Variants in CDH7 observed in about 807,000 individuals in gnomAD.
CDH7 encodes cadherin 7.
CDH7 carries 25 observed loss-of-function variants against 71.8 expected under a neutral mutation model. That is an observed-to-expected ratio of 0.35 (90% confidence interval 0.25 to 0.49). CDH7 has a LOEUF of 0.49. CDH7 is among the 20% of genes least tolerant of loss of function. CDH7 has a pLI of 0.99. For synonymous variants in CDH7, 381 were observed against 363.8 expected, an observed-to-expected ratio of 1.05 and a Z score of -0.54; for missense variants, 862 against 974.6, an observed-to-expected ratio of 0.88 and a Z score of 1.54.
intron 2 of CDH7, among the ~76,000 whole-genome samples, chr18:65,782,226 G>C (rs1258339848): frequency 1.3e-5 from 2 of 148,546 alleles, no homozygotes; most frequent in Non-Finnish European, 3.0e-5. Context: ...TGTAGCAGTG[G>C]CACCGTCTAG....
intron 2 of CDH7, among the ~76,000 whole-genome samples, chr18:65,796,908 G>A (rs1036448325): frequency 4.6e-5 from 7 of 152,110 alleles, no homozygotes; most frequent in African/African-American, 1.7e-4. Context: ...GTCAAACTGT[G>A]AAATAAATGT....
At chr18:65,865,711 T>A (rs969971520) in intron 11 of CDH7, 4 of 152,162 alleles carry the variant, frequency 2.6e-5, no homozygotes, top group African/African-American at 9.7e-5. Context: ...TTTAGTTTTG[T>A]CGCCACTATT....
intron 2 of CDH7, among the ~76,000 whole-genome samples, chr18:65,790,911 T>G (rs1049403657): frequency 2.0e-5 from 3 of 152,152 alleles, no homozygotes; most frequent in Non-Finnish European, 4.4e-5. Context: ...GGTAATTGAT[T>G]AGTTTAAAAT....
In CDH7 at chr18:65,864,877, C is replaced by T. The variant is rs543914261; in HGVS notation, c.1864+1960C>T. ...CTGCACTCCAGCCTGGATGACAGAG[C>T]GAGACTCCATCTAAAAAAAAAAAAA... On this transcript the variant is annotated intron_variant, in intron 11 of 11. Coordinates refer to ENST00000397968, the MANE Select transcript of CDH7 (RefSeq NM_004361.5). Among the ~76,000 whole-genome samples, 640 of 121,152 alleles carry T rather than the reference C, an allele frequency of 5.3e-3. 2 individuals carry two copies. The highest frequency in any genetic ancestry group is 6.8e-3 in the Non-Finnish European group (428 of 63,142). The allele number at this position is 121,152 out of a possible 152,430, so 79.5% of individuals were successfully genotyped here.
chr18:65,857,776 T>A, intron 7 of CDH7, 40 bp from the exon 8 acceptor site: 2 of 1,595,534 alleles, frequency 1.3e-6, no homozygotes, highest in Non-Finnish European at 1.7e-6. Context: ...TAATCAAACG[T>A]ACATGTTGAA....
intron 2 of CDH7, among the ~76,000 whole-genome samples, chr18:65,774,179 A>G (rs2143813031): frequency 6.6e-6 from 1 of 152,022 alleles, no homozygotes; most frequent in East Asian, 1.9e-4. Context: ...ACAAGCCATG[A>G]TCTTATTATT....
At chr18:65,771,270 TAAC>T (rs1916533922) in intron 2 of CDH7, among the ~76,000 whole-genome samples, 1 of 152,146 alleles carries the variant, frequency 6.6e-6, no homozygotes, top group Non-Finnish European at 1.5e-5. Context: ...AATGAACGAA[TAAC>T]AAGTAATTGT....
intron 2 of CDH7, among the ~76,000 whole-genome samples, chr18:65,776,399 CACAGAG>C (rs993474618): frequency 3.8e-5 from 5 of 132,352 alleles, no homozygotes; most frequent in African/African-American, 1.3e-4. Context: ...CACACACACA[CACAGAG>C]AGAGAGAGAG....
At chr18:65,765,401 A>G (rs1051601727) in intron 2 of CDH7, among the ~76,000 whole-genome samples, 1 of 151,950 alleles carries the variant, frequency 6.6e-6, no homozygotes, top group African/African-American at 2.4e-5. Context: ...ATATAACAAT[A>G]ACTTTGACTT....
chr18:65,837,117 TA>T (rs1912558276), intron 6 of CDH7, among the ~76,000 whole-genome samples: 2 of 152,210 alleles, frequency 1.3e-5, no homozygotes, highest in Non-Finnish European at 2.9e-5. Flanking sequence ...GTAGAAAATA[TA>T]ATTTCTTGCT....
intron 7 of CDH7, among the ~76,000 whole-genome samples, chr18:65,846,160 G>A (rs1912927612): frequency 6.6e-6 from 1 of 151,974 alleles, no homozygotes; most frequent in African/African-American, 2.4e-5. Flanking sequence ...TGGCCCAAAT[G>A]GGAGGTGACT....
intron 2 of CDH7, chr18:65,803,880 A>G (rs1396580928): frequency 6.6e-6 from 1 of 150,586 alleles, no homozygotes; most frequent in East Asian, 2.0e-4. Flanking sequence ...AAGAACACAC[A>G]CACTTTTTAC....
intron 2 of CDH7, among the ~76,000 whole-genome samples, chr18:65,799,170 GC>G (rs1278245074): frequency 6.6e-6 from 1 of 152,002 alleles, no homozygotes; most frequent in Non-Finnish European, 1.5e-5. Context: ...ACTAACAGAA[GC>G]CCCCATTAGG....
At chr18:65,869,709 A>G (rs1913873431) in intron 11 of CDH7, among the ~76,000 whole-genome samples, 5 of 149,428 alleles carry the variant, frequency 3.3e-5, no homozygotes, top group Admixed American at 6.6e-5. Context: ...CTCCTTGTCC[A>G]TCTCTTCCAG....
intron 2 of CDH7, among the ~76,000 whole-genome samples, chr18:65,769,309 G>A (rs973219882): frequency 2.6e-5 from 4 of 152,140 alleles, no homozygotes; most frequent in African/African-American, 9.7e-5. Flanking sequence ...AGATCAGTAA[G>A]CAGAAACTCC....
At chr18:65,837,319 GT>G (rs1912564671) in intron 6 of CDH7, among the ~76,000 whole-genome samples, 1 of 152,148 alleles carries the variant, frequency 6.6e-6, no homozygotes, top group Non-Finnish European at 1.5e-5. Flanking sequence ...GGGCTGCAGA[GT>G]TTTTATGAGC....
At chr18:65,783,393 A>G (rs1343670138) in intron 2 of CDH7, among the ~76,000 whole-genome samples, 1 of 152,226 alleles carries the variant, frequency 6.6e-6, no homozygotes, top group Non-Finnish European at 1.5e-5. Flanking sequence ...CCTTTCTGAA[A>G]ACAAAGGATT....
chr18:65,763,195 G>A (rs1323785465), intron 2 of CDH7, 143 bp downstream of exon 2: 2 of 491,966 alleles, frequency 4.1e-6, no homozygotes, highest in African/African-American at 4.0e-5. Flanking sequence ...AAGAGTTTAT[G>A]AAGGTTTTTG....
chr18:65,811,007 C>T (rs1911514258), intron 3 of CDH7, among the ~76,000 whole-genome samples: 1 of 151,962 alleles, frequency 6.6e-6, no homozygotes, highest in Non-Finnish European at 1.5e-5. Context: ...GAATAGTTTA[C>T]AGCAAGTATG....
Sources: allele counts gnomAD v4.1 joint callset (sites outside exome capture counted in the v4.1 genomes callset), GRCh38; gene constraint gnomAD v4.1.1; transcripts MANE v1.5; gene names NCBI Gene and HGNC (gene_info 2026-07-23, HGNC 2026-07-21).